TMPRSS11D: variants seen among roughly 807,000 people sequenced by gnomAD.
The protein encoded by TMPRSS11D is transmembrane serine protease 11D.
Under a neutral mutation model 44.4 loss-of-function variants are expected in TMPRSS11D, and 32 were observed. The ratio of observed to expected loss-of-function variants is 0.72; its 90% confidence interval spans 0.54 to 0.97. TMPRSS11D has a LOEUF of 0.97. TMPRSS11D is among the 50% of genes least tolerant of loss of function. The pLI is 0.00. For missense variants in TMPRSS11D, 446 were observed against 502.6 expected (o/e 0.89, Z 1.08); for synonymous variants, 179 against 177.9 (o/e 1.01, Z -0.05).
chr4:67,853,107 T>G (rs747429823), intron 3 of TMPRSS11D, among the ~76,000 whole-genome samples: 4 of 152,060 alleles, frequency 2.6e-5, no homozygotes, highest in African/African-American at 4.8e-5. Context: ...AGCATAGACA[T>G]GAGAAGGTGC....
At chr4:67,828,864 G>T (rs1577803483) in intron 7 of TMPRSS11D, among the ~76,000 whole-genome samples, 1 of 152,002 alleles carries the variant, frequency 6.6e-6, no homozygotes, top group Non-Finnish European at 1.5e-5. Context: ...GATGCTGAAG[G>T]CATTTTGCTT....
chr4:67,837,744 A>G (rs1718129457), intron 5 of TMPRSS11D, among the ~76,000 whole-genome samples: 1 of 152,130 alleles, frequency 6.6e-6, no homozygotes, highest in Non-Finnish European at 1.5e-5. Flanking sequence ...GGATGAAGCC[A>G]AACAATACAA....
chr4:67,834,865 A>G (rs1718037400), intron 6 of TMPRSS11D, among the ~76,000 whole-genome samples: 1 of 152,108 alleles, frequency 6.6e-6, no homozygotes, highest in Admixed American at 6.6e-5. Context: ...GTCCTCCACT[A>G]CAACTTCTTC....
At chr4:67,839,644 T>C (rs977527382) in intron 4 of TMPRSS11D, among the ~76,000 whole-genome samples, 1 of 151,772 alleles carries the variant, frequency 6.6e-6, no homozygotes, top group Non-Finnish European at 1.5e-5. Flanking sequence ...AATAACAGCA[T>C]GAACTAGAAT....
intron 3 of TMPRSS11D, among the ~76,000 whole-genome samples, chr4:67,846,982 G>C (rs1718373394): frequency 6.6e-6 from 1 of 151,608 alleles, no homozygotes; most frequent in South Asian, 2.1e-4. Context: ...TTGGCTCACT[G>C]CAACCTCTGC....
chr4:67,874,349 T>C (rs937688435), intron 1 of TMPRSS11D, among the ~76,000 whole-genome samples: 9 of 152,172 alleles, frequency 5.9e-5, no homozygotes, highest in Admixed American at 4.6e-4. Flanking sequence ...TAGAAGTTCC[T>C]ATACACAGCT....
intron 2 of TMPRSS11D, among the ~76,000 whole-genome samples, chr4:67,858,454 T>C (rs1718710982): frequency 6.6e-6 from 1 of 152,180 alleles, no homozygotes; most frequent in African/African-American, 2.4e-5. Context: ...GGTGATTTGA[T>C]AGCAAAATGC....
intron 1 of TMPRSS11D, among the ~76,000 whole-genome samples, chr4:67,881,808 T>C (rs1040508338): frequency 5.3e-5 from 8 of 152,190 alleles, no homozygotes; most frequent in African/African-American, 1.9e-4. Flanking sequence ...GGGAAGAAAA[T>C]GGAAACAAGA....
intron 1 of TMPRSS11D, among the ~76,000 whole-genome samples, chr4:67,866,196 C>A (rs1718921650): frequency 6.6e-6 from 1 of 151,890 alleles, no homozygotes; most frequent in Non-Finnish European, 1.5e-5. Flanking sequence ...ATTCAACATA[C>A]ACAAATTGAT....
At chr4:67,847,524 T>A (rs1200250314) in intron 3 of TMPRSS11D, among the ~76,000 whole-genome samples, 4 of 152,190 alleles carry the variant, frequency 2.6e-5, no homozygotes, top group Non-Finnish European at 2.9e-5. Context: ...TCAATCTAGT[T>A]GTAAACTGCT....
chr4:67,872,449 T>C (rs559231567), intron 1 of TMPRSS11D, among the ~76,000 whole-genome samples: 144 of 152,188 alleles, frequency 9.5e-4, no homozygotes, highest in Non-Finnish European at 1.8e-3. Context: ...AAATGCTCTT[T>C]GGGAAATGAG....
chr4:67,829,381 T>C (rs1717886831), intron 7 of TMPRSS11D, among the ~76,000 whole-genome samples: 1 of 151,480 alleles, frequency 6.6e-6, no homozygotes, highest in Admixed American at 6.6e-5. Context: ...TATAGGTATA[T>C]GTATGTGTGT....
chr4:67,845,522 AATC>A (rs2109675980), intron 3 of TMPRSS11D, among the ~76,000 whole-genome samples: 1 of 152,294 alleles, frequency 6.6e-6, no homozygotes, highest in South Asian at 2.1e-4. Context: ...GACTACTGCA[AATC>A]ATAGAGACGA....
At chr4:67,844,172 G>A (rs1423621258) in intron 3 of TMPRSS11D, among the ~76,000 whole-genome samples, 1 of 152,170 alleles carries the variant, frequency 6.6e-6, no homozygotes, top group Non-Finnish European at 1.5e-5. Flanking sequence ...ATATGAAAAG[G>A]TGAAGACAAG....
intron 4 of TMPRSS11D, among the ~76,000 whole-genome samples, chr4:67,838,593 G>A (rs1389074640): frequency 2.6e-5 from 4 of 152,008 alleles, no homozygotes; most frequent in Admixed American, 2.6e-4. Context: ...TGTAACTTTG[G>A]ATAAGTTATG....
In TMPRSS11D at chr4:67,828,111, T is replaced by C. The variant is rs1394439369; in HGVS notation, c.693-591A>G. On this transcript the variant is annotated intron_variant, in intron 7 of 9. Coordinates refer to ENST00000283916, the MANE Select transcript of TMPRSS11D (RefSeq NM_004262.3). Reference sequence around the variant, plus strand: ...TCTTCAAAAGTTCATTGAAAATGTATATTATAAACAAACTATGCATGGATT... The same window carrying C: ...TCTTCAAAAGTTCATTGAAAATGTACATTATAAACAAACTATGCATGGATT... Among the ~76,000 whole-genome samples, 7 of 152,084 alleles carry C rather than the reference T, an allele frequency of 4.6e-5. No individual in the cohort carries two copies. The East Asian group carries it at 1.2e-3, about 25-fold the overall frequency.
intron 3 of TMPRSS11D, among the ~76,000 whole-genome samples, chr4:67,843,790 G>C (rs1038235743): frequency 6.6e-6 from 1 of 152,168 alleles, no homozygotes; most frequent in African/African-American, 2.4e-5. Flanking sequence ...AGGCGTGGTG[G>C]CAAGTGCCTG....
chr4:67,856,020 C>A lies in TMPRSS11D; in HGVS notation c.131-1834G>T, dbSNP rs1023815860. 2.0e-5 allele frequency among the ~76,000 whole-genome samples: 3 copies of A among 152,242 alleles called. No homozygotes were observed. In the East Asian group the frequency reaches 5.8e-4, roughly 29 times the overall value. Reference sequence around the variant, plus strand: ...CAAACAAATGGAAAGACATTCCTTGCTCATGGATTGAAAGAACTGATACCA... The same window carrying A: ...CAAACAAATGGAAAGACATTCCTTGATCATGGATTGAAAGAACTGATACCA... On this transcript the variant is annotated intron_variant, in intron 2 of 9. Transcript: ENST00000283916.
At chr4:67,825,235 AAT>A in intron 9 of TMPRSS11D, among the ~76,000 whole-genome samples, 1 of 151,864 alleles carries the variant, frequency 6.6e-6, no homozygotes, top group Non-Finnish European at 1.5e-5. Context: ...TAATTTTTAT[AAT>A]ATAGTGATTA....
Sources: allele counts gnomAD v4.1 joint callset (sites outside exome capture counted in the v4.1 genomes callset), GRCh38; gene constraint gnomAD v4.1.1; transcripts MANE v1.5; gene names NCBI Gene and HGNC (gene_info 2026-07-23, HGNC 2026-07-21).